RAP1GAP2: variants seen among roughly 807,000 people sequenced by gnomAD.
RAP1GAP2 encodes the protein RAP1 GTPase activating protein 2, also known as rap1 GTPase-activating protein 2.
A neutral mutation model predicts 95.0 loss-of-function variants in RAP1GAP2; 27 were observed. The ratio of observed to expected loss-of-function variants is 0.28; its 90% CI spans 0.21 to 0.39. The LOEUF is 0.39. Ranked by LOEUF, RAP1GAP2 falls within the 10% of genes least tolerant of loss-of-function variation. The pLI is 1.00. For synonymous variants in RAP1GAP2, 373 were observed against 380.9 expected (o/e 0.98, Z 0.24); for missense variants, 771 against 970.0 (o/e 0.79, Z 2.72).
intron 8 of RAP1GAP2, among the ~76,000 whole-genome samples, chr17:2,979,521 C>T (rs1169899989): frequency 1.8e-4 from 24 of 132,560 alleles, no homozygotes; most frequent in Admixed American, 1.8e-3. Flanking sequence ...GGCTGAAGTG[C>T]AGTGGCACAA....
chr17:2,781,269 C>T (rs752606694), intron 1 of RAP1GAP2, among the ~76,000 whole-genome samples: 1 of 152,218 alleles, frequency 6.6e-6, no homozygotes, highest in East Asian at 1.9e-4. Flanking sequence ...TGGCAGCAGG[C>T]ATGGGCACTT....
chr17:2,993,403 C>T (rs960781893), intron 12 of RAP1GAP2, among the ~76,000 whole-genome samples: 56 of 149,800 alleles, frequency 3.7e-4, no homozygotes, highest in Middle Eastern at 3.6e-3. Flanking sequence ...GAAACCACGT[C>T]TCTACTAAAA....
At position 2,797,535 on chromosome 17, in the gene RAP1GAP2, G is replaced by C. The variant is rs1022408329; in HGVS notation, c.44+964G>C. ...CGGTGTGGAAAATGGTGGACTAATG[G>C]GGGTGGCACGAAGGGCGAGGGGGAG... is the stretch of plus-strand genomic sequence containing the variant. On this transcript the variant is annotated intron_variant, in intron 1 of 24. Transcript: ENST00000254695. The surrounding 1 kb of genome is among the most constrained non-coding windows in gnomAD (Gnocchi z 5.6). Among the ~76,000 whole-genome samples the C allele has an allele frequency of 4.6e-5, 7 of 152,068 alleles. No homozygotes were observed. Among genetic ancestry groups the C allele is most frequent in the Non-Finnish European group, 8.8e-5 (6 of 68,020 alleles).
intron 17 of RAP1GAP2, among the ~76,000 whole-genome samples, chr17:3,013,279 C>G (rs1408446455): frequency 6.6e-6 from 1 of 152,230 alleles, no homozygotes; most frequent in Non-Finnish European, 1.5e-5. Context: ...CACAGCAGGG[C>G]CCCGCCAAGA....
At chr17:2,968,314 A>G (rs2044705240) in intron 8 of RAP1GAP2, among the ~76,000 whole-genome samples, 1 of 152,350 alleles carries the variant, frequency 6.6e-6, no homozygotes, top group East Asian at 1.9e-4. Flanking sequence ...TAGAAAATCC[A>G]GTTATTAATA....
intron 2 of RAP1GAP2, among the ~76,000 whole-genome samples, chr17:2,815,585 G>T (rs1221833515): frequency 6.6e-6 from 1 of 151,740 alleles, no homozygotes; most frequent in Admixed American, 6.6e-5. Flanking sequence ...CGGTTCAAGC[G>T]ATTCTCCTGT....
chr17:2,814,780 G>A (rs543142142), intron 2 of RAP1GAP2, among the ~76,000 whole-genome samples: 1 of 152,256 alleles, frequency 6.6e-6, no homozygotes, highest in East Asian at 1.9e-4. Flanking sequence ...GGTGGAGTGG[G>A]CGGAAATCCG....
rs1161155592 is a variant in RAP1GAP2, at chr17:3,008,949, T to G, written c.1494+804T>G. Among the ~76,000 whole-genome samples, 1 of 152,184 alleles carries G rather than the reference T, an allele frequency of 6.6e-6. No homozygotes were observed. Among genetic ancestry groups the G allele is most frequent in the East Asian group, 1.9e-4 (1 of 5,196 alleles). On this transcript the variant is annotated intron_variant, in intron 17 of 24. Coordinates refer to ENST00000254695, the MANE Select transcript of RAP1GAP2 (RefSeq NM_015085.5). This position sits in a 1 kb window ranked among gnomAD's most constrained non-coding sequence, Gnocchi z 4.2. ...TCAGGTCCTTACACCGAGGCAGAGTTAGAGCCTCATTTCAAACGCAGGTCT... is the reference window on the plus strand; with the variant it reads ...TCAGGTCCTTACACCGAGGCAGAGTGAGAGCCTCATTTCAAACGCAGGTCT...
At chr17:2,961,590 G>A (rs62091992) in intron 4 of RAP1GAP2, among the ~76,000 whole-genome samples, 1 of 152,236 alleles carries the variant, frequency 6.6e-6, no homozygotes, top group South Asian at 2.1e-4. Flanking sequence ...TCAGATACCT[G>A]TAGATAAACT....
chr17:3,022,076 G>A (rs2046981153), intron 19 of RAP1GAP2, among the ~76,000 whole-genome samples: 1 of 152,198 alleles, frequency 6.6e-6, no homozygotes, highest in South Asian at 2.1e-4. Context: ...TGTAGTGTCT[G>A]TAGTGGCTAT....
chr17:3,028,819 G>A (rs2047205449), intron 22 of RAP1GAP2, among the ~76,000 whole-genome samples: 4 of 151,696 alleles, frequency 2.6e-5, no homozygotes, highest in Admixed American at 2.6e-4. Flanking sequence ...ATTTTTTTTC[G>A]AGATGGAGTC....
At chr17:3,006,072 C>G in intron 16 of RAP1GAP2, 31 bp downstream of exon 16, 1 of 1,588,412 alleles carries the variant, frequency 6.3e-7, no homozygotes, top group South Asian at 1.1e-5. Flanking sequence ...GGTCTCCCTC[C>G]TGACTGCTGG....
In RAP1GAP2 at chr17:2,800,511, G is replaced by C. The variant is rs371244757; in HGVS notation, c.45-4G>C. ...GACCGGAGCCCTTGCTTTTCTCTTG[G>C]CAGGATCGACAAGACCATGCTGGCA... On this transcript the variant is annotated splice_polypyrimidine_tract_variant and splice_region_variant and intron_variant, in intron 1 of 24. Coordinates refer to ENST00000254695, the MANE Select transcript of RAP1GAP2 (RefSeq NM_015085.5). 30 of 1,612,250 alleles carry C rather than the reference G, an allele frequency of 1.9e-5. No homozygotes were observed. Among genetic ancestry groups the C allele is most frequent in the Non-Finnish European group, 2.5e-5 (30 of 1,179,210 alleles).
intron 3 of RAP1GAP2, among the ~76,000 whole-genome samples, chr17:2,932,518 T>C (rs2043185486): frequency 6.6e-6 from 1 of 151,282 alleles, no homozygotes; most frequent in African/African-American, 2.4e-5. Flanking sequence ...TTCCATCCTT[T>C]TTATTTATTA....
At chr17:2,828,948 G>A (rs1046170110) in intron 2 of RAP1GAP2, among the ~76,000 whole-genome samples, 2 of 150,854 alleles carry the variant, frequency 1.3e-5, no homozygotes, top group South Asian at 2.1e-4. Context: ...TTGCTCCCTG[G>A]GGGGGCAGGT....
At chr17:2,801,474 C>CAA (rs55905445) in intron 2 of RAP1GAP2, among the ~76,000 whole-genome samples, 50,601 of 139,224 alleles carry the variant, frequency 0.36, 9,218 homozygotes, top group Admixed American at 0.42. Context: ...GACTCTGTCT[C>CAA]AAAAAAAAAA....
intron 24 of RAP1GAP2, 107 bp downstream of exon 24, chr17:3,032,556 C>T (rs1467202197): frequency 1.7e-5 from 19 of 1,102,172 alleles, no homozygotes; most frequent in Non-Finnish European, 2.5e-5. Context: ...GAGATGCCGC[C>T]AGCTGGGGAT....
chr17:3,024,449 T>G (rs1173884635), intron 19 of RAP1GAP2, among the ~76,000 whole-genome samples: 2 of 152,214 alleles, frequency 1.3e-5, no homozygotes, highest in Non-Finnish European at 2.9e-5. Flanking sequence ...CTGGTGGGAA[T>G]GTAAAATAGT....
In RAP1GAP2 at chr17:3,028,156, C is replaced by T. The variant is rs542951792; in HGVS notation, c.2107+1086C>T. On this transcript the variant is annotated intron_variant, in intron 22 of 24. Coordinates refer to ENST00000254695, the MANE Select transcript of RAP1GAP2 (RefSeq NM_015085.5). ...CAGAAAATGAAGGGAGGGGAAGAGT[C>T]GTGTCTGCCTCAGAGGGTTGGTTGT... is the stretch of plus-strand genomic sequence containing the variant. 1.2e-4 allele frequency among the ~76,000 whole-genome samples: 19 copies of T among 152,038 alleles called. 1 individual carries two copies. The East Asian group carries it at 1.9e-3, about 16-fold the overall frequency.
Sources: gnomAD v4.1 joint callset for allele counts (sites outside exome capture counted in the v4.1 genomes callset) on GRCh38, gnomAD v4.1.1 for gene constraint, Gnocchi (gnomAD v3.1) non-coding constraint, MANE v1.5 for transcripts, NCBI Gene and HGNC (gene_info 2026-07-23, HGNC 2026-07-21) for gene names.